Variants in PRKD1 observed in about 807,000 individuals in gnomAD.
The protein encoded by PRKD1 is protein kinase D1, also known as serine/threonine-protein kinase D1.
Under a neutral mutation model 95.9 loss-of-function variants are expected in PRKD1, and 63 were observed. That is an observed-to-expected ratio of 0.66 (90% CI 0.54 to 0.81). PRKD1 has a LOEUF of 0.81. Ranked by LOEUF, PRKD1 falls within the 30% of genes least tolerant of loss-of-function variation. The probability of loss-of-function intolerance (pLI) is 0.00; values close to 1 mark genes in which losing one functional copy is unlikely to be tolerated. For synonymous variants in PRKD1, 425 were observed against 423.1 expected (o/e 1.00, Z -0.05); for missense variants, 1,048 against 1,165.3 (o/e 0.90, Z 1.47).
At chr14:29,630,710 C>A (rs760621913) in intron 10 of PRKD1, 32 bp downstream of exon 10, 10 of 1,613,524 alleles carry the variant, frequency 6.2e-6, no homozygotes, top group Middle Eastern at 1.6e-4. Flanking sequence ...ACATGATGAG[C>A]TTTGGGCTGG....
In PRKD1 at chr14:29,742,984, T is replaced by C. The variant is rs559478870; in HGVS notation, c.265-17310A>G. 8.0e-4 allele frequency among the ~76,000 whole-genome samples: 122 copies of C among 152,306 alleles called. 2 individuals carry two copies. The highest frequency in any genetic ancestry group is 2.8e-3 in the African/African-American group (117 of 41,554). ...CTTGAGTTTCATGGGATTGTCACAG[T>C]CAATCCCCAAAAAGCTAACATCCTG... On this transcript the variant is annotated intron_variant, in intron 1 of 17. Coordinates refer to ENST00000331968, the MANE Select transcript of PRKD1 (RefSeq NM_002742.3).
chr14:29,864,076 A>G (rs1892801742), intron 1 of PRKD1, among the ~76,000 whole-genome samples: 1 of 152,102 alleles, frequency 6.6e-6, no homozygotes, highest in Non-Finnish European at 1.5e-5. Context: ...TTTTTCTCTG[A>G]AGTAAGATAA....
At chr14:29,818,334 A>T (rs1890773908) in intron 1 of PRKD1, among the ~76,000 whole-genome samples, 1 of 152,230 alleles carries the variant, frequency 6.6e-6, no homozygotes, top group Non-Finnish European at 1.5e-5. Flanking sequence ...TATCCACAGC[A>T]GTTTATTTAA....
chr14:29,621,092 A>G (rs548335251), intron 13 of PRKD1, among the ~76,000 whole-genome samples: 1 of 35,244 alleles, frequency 2.8e-5, no homozygotes, highest in African/African-American at 6.5e-5. Context: ...TCGCAAGGAC[A>G]AAAAAAAACA....
intron 4 of PRKD1, among the ~76,000 whole-genome samples, chr14:29,639,672 G>A (rs45453198): frequency 2.0e-5 from 3 of 149,856 alleles, no homozygotes; most frequent in Admixed American, 6.6e-5. Flanking sequence ...AAGAAAGAAA[G>A]AAAAAAATGC....
At chr14:29,646,735 A>C (rs1429066942) in intron 4 of PRKD1, among the ~76,000 whole-genome samples, 1 of 148,540 alleles carries the variant, frequency 6.7e-6, no homozygotes, top group East Asian at 1.9e-4. Flanking sequence ...GAAGCAAAAA[A>C]CAAACAAACA....
intron 1 of PRKD1, among the ~76,000 whole-genome samples, chr14:29,829,084 C>T (rs1247996329): frequency 1.3e-5 from 2 of 152,072 alleles, no homozygotes; most frequent in Non-Finnish European, 2.9e-5. Context: ...AGGCCATGGC[C>T]CAGGCAAACC....
At chr14:29,717,988 C>T (rs541252759) in intron 2 of PRKD1, among the ~76,000 whole-genome samples, 5 of 152,206 alleles carry the variant, frequency 3.3e-5, no homozygotes, top group African/African-American at 1.2e-4. Context: ...AGAAAACTAT[C>T]AAAGTGAGGA....
intron 1 of PRKD1, among the ~76,000 whole-genome samples, chr14:29,886,439 A>G (rs1054794661): frequency 4.6e-5 from 7 of 152,352 alleles, no homozygotes; most frequent in African/African-American, 1.7e-4. Flanking sequence ...AAAGGAGCCA[A>G]TTCCCACTCT....
At position 29,750,616 on chromosome 14, in the gene PRKD1, G is replaced by GCACA. The variant is rs1555341358; in HGVS notation, c.265-24946_265-24943dup. Among the ~76,000 whole-genome samples the GCACA allele has an allele frequency of 2.1e-3, 305 of 148,480 alleles. 3 individuals are homozygous for GCACA. In the East Asian group the frequency reaches 0.029, roughly 14 times the overall value. ...CCTATCCCAGGATGCATGAACGCGC[G>GCACA]CACACACACACACACACACACTCAC... On this transcript the variant is annotated intron_variant, in intron 1 of 17. Coordinates refer to ENST00000331968, the MANE Select transcript of PRKD1 (RefSeq NM_002742.3).
chr14:29,636,364 C>G lies in PRKD1; in HGVS notation c.1116G>C (p.Met372Ile), dbSNP rs1219375266. The change falls in exon 7 of 18, where the codon ATG becomes ATC. Residue 372 changes from methionine to isoleucine, a missense_variant. By Grantham distance (10) the Met-to-Ile change is conservative. Coordinates refer to ENST00000331968, the MANE Select transcript of PRKD1 (RefSeq NM_002742.3). Reference sequence around the variant, plus strand: ...CGCCACTGTCGTTCTGGCACTCTGCCATTGCCATCTCTGCATCTTGGACCA... The same window carrying G: ...CGCCACTGTCGTTCTGGCACTCTGCGATTGCCATCTCTGCATCTTGGACCA... ...EAMVQDAEMA[M>I]AECQNDSGEM... is the part of the protein sequence containing the mutation. 1 of 1,614,218 alleles carries G rather than the reference C, an allele frequency of 6.2e-7. No homozygotes were observed. Among genetic ancestry groups the G allele is most frequent in the South Asian group, 1.1e-5 (1 of 91,092 alleles).
chr14:29,630,275 G>C (rs567926633), intron 10 of PRKD1, among the ~76,000 whole-genome samples: 9 of 152,144 alleles, frequency 5.9e-5, no homozygotes, highest in Admixed American at 2.0e-4. Context: ...GAGTAGCTGG[G>C]ACCACAGGCG....
At chr14:29,926,835 G>A (rs184283049) in intron 1 of PRKD1, among the ~76,000 whole-genome samples, 1 of 152,018 alleles carries the variant, frequency 6.6e-6, no homozygotes, top group Non-Finnish European at 1.5e-5. Context: ...TCATTCCGGG[G>A]GCACTCTGGT....
chr14:29,866,609 A>G (rs1271800497), intron 1 of PRKD1, among the ~76,000 whole-genome samples: 1 of 152,210 alleles, frequency 6.6e-6, no homozygotes, highest in Non-Finnish European at 1.5e-5. Context: ...TGTTTAGGGG[A>G]GAGACAGATG....
chr14:29,696,641 A>C (rs1185901298), intron 2 of PRKD1, among the ~76,000 whole-genome samples: 6 of 152,208 alleles, frequency 3.9e-5, no homozygotes, highest in Admixed American at 2.0e-4. Flanking sequence ...ATTATATCCC[A>C]ATAAAATATT....
At chr14:29,718,375 C>G (rs911738800) in intron 2 of PRKD1, among the ~76,000 whole-genome samples, 11 of 145,408 alleles carry the variant, frequency 7.6e-5, no homozygotes, top group African/African-American at 3.0e-4. Context: ...CCTTCACCTT[C>G]TGCCATGATT....
chr14:29,925,816 T>A (rs999362537), intron 1 of PRKD1, among the ~76,000 whole-genome samples: 1 of 152,248 alleles, frequency 6.6e-6, no homozygotes, highest in African/African-American at 2.4e-5. Flanking sequence ...ATTGTATACG[T>A]GCTTATGAAG....
chr14:29,883,230 C>T (rs903687557), intron 1 of PRKD1, among the ~76,000 whole-genome samples: 5 of 152,142 alleles, frequency 3.3e-5, no homozygotes, highest in African/African-American at 7.2e-5. Context: ...GCTCCACCCC[C>T]GTGGCCCAAA....
At chr14:29,771,352 C>A (rs968959941) in intron 1 of PRKD1, among the ~76,000 whole-genome samples, 6 of 152,130 alleles carry the variant, frequency 3.9e-5, no homozygotes, top group Admixed American at 6.5e-5. Context: ...CAAACAAGGG[C>A]TCTTGGGCAC....
Sources: gnomAD v4.1 joint callset for allele counts (sites outside exome capture counted in the v4.1 genomes callset) on GRCh38, gnomAD v4.1.1 for gene constraint, MANE v1.5 for transcripts, NCBI Gene and HGNC (gene_info 2026-07-23, HGNC 2026-07-21) for gene names.